PLCB4: variants seen among roughly 807,000 people sequenced by gnomAD.
The protein encoded by PLCB4 is 1-phosphatidylinositol 4,5-bisphosphate phosphodiesterase beta-4.
A neutral mutation model predicts 178.8 loss-of-function variants in PLCB4; 77 were observed. That is an observed-to-expected ratio of 0.43 (90% CI 0.36 to 0.52). PLCB4 has a LOEUF of 0.52. Among genes scored for constraint, PLCB4 ranks in the 20% least tolerant of loss-of-function variants. The pLI is 0.00. For synonymous variants in PLCB4, 496 were observed against 490.8 expected (o/e 1.01, Z -0.14); for missense variants, 1,024 against 1,453.4 (o/e 0.70, Z 4.80).
intron 7 of PLCB4, among the ~76,000 whole-genome samples, chr20:9,349,285 G>C (rs2034113011): frequency 6.6e-6 from 1 of 151,982 alleles, no homozygotes; most frequent in Non-Finnish European, 1.5e-5. Context: ...CCAATAAGCG[G>C]GTTCCTCCCC....
intron 1 of PLCB4, among the ~76,000 whole-genome samples, chr20:9,087,474 T>C (rs903462328): frequency 1.3e-5 from 2 of 152,226 alleles, no homozygotes; most frequent in African/African-American, 2.4e-5. Context: ...TTTACAGTAT[T>C]GGAACAACCT....
chr20:9,369,487 A>G (rs2036060472), intron 9 of PLCB4, among the ~76,000 whole-genome samples: 1 of 152,246 alleles, frequency 6.6e-6, no homozygotes, highest in East Asian at 1.9e-4. Flanking sequence ...AAATGTAAAC[A>G]TAGCACCCTC....
At chr20:9,302,696 G>C (rs1406296293) in intron 3 of PLCB4, among the ~76,000 whole-genome samples, 1 of 152,204 alleles carries the variant, frequency 6.6e-6, no homozygotes, top group East Asian at 1.9e-4. Flanking sequence ...TCTTCATATA[G>C]TGAGACTATT....
Position 9,186,259 on chromosome 20 carries a change from A to C in PLCB4, c.-78-31131A>C, listed in dbSNP as rs942892590. The stretch of plus-strand genomic sequence containing the variant: ...ATGGGTTTCAGACTTCACATTTTAC[A>C]TATCTACTCATGAGATAAGAGTCAA... On this transcript the variant is annotated intron_variant, in intron 2 of 39. Transcript: ENST00000378473. Among the ~76,000 whole-genome samples, 3 of 152,344 alleles carry C rather than the reference A, an allele frequency of 2.0e-5. No homozygotes were observed. The East Asian group carries it at 5.8e-4, about 29-fold the overall frequency.
At chr20:9,202,251 C>T (rs1050800641) in intron 2 of PLCB4, among the ~76,000 whole-genome samples, 2 of 152,076 alleles carry the variant, frequency 1.3e-5, no homozygotes, top group Non-Finnish European at 2.9e-5. Context: ...AAGGGGCAGC[C>T]TGAGGGAGTT....
chr20:9,206,142 GT>G (rs1238480430), intron 2 of PLCB4, among the ~76,000 whole-genome samples: 2 of 151,938 alleles, frequency 1.3e-5, no homozygotes, highest in Non-Finnish European at 2.9e-5. Flanking sequence ...GGAACTTTAG[GT>G]ATTCCTGTGT....
chr20:9,466,567 G>T (rs2043799290), intron 35 of PLCB4, among the ~76,000 whole-genome samples: 1 of 152,018 alleles, frequency 6.6e-6, no homozygotes, highest in Admixed American at 6.6e-5. Context: ...AATCTACAAA[G>T]AACTCAAACA....
At chr20:9,275,827 G>A (rs1265942913) in intron 3 of PLCB4, among the ~76,000 whole-genome samples, 1 of 152,072 alleles carries the variant, frequency 6.6e-6, no homozygotes, top group Non-Finnish European at 1.5e-5. Flanking sequence ...CTCAAAAGAT[G>A]TGCAATGATA....
chr20:9,458,302 T>C (rs1460074656), intron 34 of PLCB4, among the ~76,000 whole-genome samples: 1 of 152,198 alleles, frequency 6.6e-6, no homozygotes, highest in Non-Finnish European at 1.5e-5. Context: ...CAGTAAGGCA[T>C]GTGTCTTTAA....
At chr20:9,163,884 T>G (rs781266115) in intron 2 of PLCB4, among the ~76,000 whole-genome samples, 6 of 152,046 alleles carry the variant, frequency 3.9e-5, no homozygotes, top group African/African-American at 1.4e-4. Context: ...CATAATAAAT[T>G]GAAATAATAG....
At chr20:9,317,635 A>G (rs1368547759) in intron 4 of PLCB4, among the ~76,000 whole-genome samples, 5 of 152,220 alleles carry the variant, frequency 3.3e-5, no homozygotes, top group African/African-American at 9.6e-5. Context: ...CCATTAGGAA[A>G]CTAGACAGGG....
In PLCB4 at chr20:9,128,668, A is replaced by T. The variant is rs2327133; in HGVS notation, c.-79+32326A>T. Among the ~76,000 whole-genome samples, 4 of 152,158 alleles carry T rather than the reference A, an allele frequency of 2.6e-5. No individual in the cohort carries two copies. The South Asian group carries it at 6.2e-4, about 24-fold the overall frequency. On this transcript the variant is annotated intron_variant, in intron 2 of 39. Coordinates refer to ENST00000378473, the MANE Select transcript of PLCB4 (RefSeq NM_001377142.1). ...CTCCTAAAGTGCTGGGATTACAGGCATGAGCCACCGCACCCAGCCAGTCTT... is the reference window on the plus strand; with the variant it reads ...CTCCTAAAGTGCTGGGATTACAGGCTTGAGCCACCGCACCCAGCCAGTCTT...
intron 35 of PLCB4, among the ~76,000 whole-genome samples, chr20:9,460,112 T>C (rs1317692408): frequency 6.6e-6 from 1 of 152,082 alleles, no homozygotes; most frequent in East Asian, 1.9e-4. Flanking sequence ...AAAAAAGAAA[T>C]GGCCCCTGCC....
At chr20:9,320,989 A>G (rs74978984) in intron 4 of PLCB4, among the ~76,000 whole-genome samples, 4,836 of 152,302 alleles carry the variant, frequency 0.032, 280 homozygotes, top group East Asian at 0.25. Flanking sequence ...TAGACTTACT[A>G]GAAGGAAACA....
At chr20:9,141,811 T>C (rs1359724994) in intron 2 of PLCB4, among the ~76,000 whole-genome samples, 1 of 152,078 alleles carries the variant, frequency 6.6e-6, no homozygotes, top group Non-Finnish European at 1.5e-5. Context: ...ATAGAAAGGC[T>C]AGACATTGAG....
chr20:9,112,872 T>C (rs1314009781), intron 2 of PLCB4, among the ~76,000 whole-genome samples: 1 of 84,674 alleles, frequency 1.2e-5, no homozygotes, highest in African/African-American at 5.8e-5. Context: ...ATTATAACAA[T>C]TTCCTCTTGC....
rs1568761189 is a variant in PLCB4, at chr20:9,408,653, A to G, written c.1810A>G (p.Met604Val). The G allele has an allele frequency of 6.3e-7, 1 of 1,578,280 alleles. No individual in the cohort carries two copies. The highest frequency in any genetic ancestry group is 8.7e-7 in the Non-Finnish European group (1 of 1,147,674). The change falls in exon 23 of 40, where the codon ATG becomes GTG. Residue 604 changes from methionine (M) to valine (V), a missense_variant. Met to Val is a conservative substitution (Grantham distance 21). Around this residue, in one of 7 missense-constraint regions of PLCB4, gnomAD observed 263 missense variants for 417.4 expected, o/e 0.63. Transcript: ENST00000378473. ...TACAGAACGCAATATTCATTATAAC[A>G]TGTCTTCTTTTAATGAATCAGTCGG... ...VAEERNIHYN[M>V]SSFNESVGLG... is the part of the protein sequence containing the mutation.
intron 25 of PLCB4, 52 bp downstream of exon 25, chr20:9,411,140 C>T (rs1568768201): frequency 1.7e-6 from 2 of 1,205,272 alleles, no homozygotes; most frequent in Non-Finnish European, 2.5e-6. Flanking sequence ...CTCCATACTA[C>T]AGCTCTAATG....
At chr20:9,360,456 C>T (rs1187319422) in intron 7 of PLCB4, among the ~76,000 whole-genome samples, 1 of 151,744 alleles carries the variant, frequency 6.6e-6, no homozygotes, top group Non-Finnish European at 1.5e-5. Context: ...GCCCAGTGAA[C>T]AGTCTCAGAA....
Sources: gnomAD v4.1 joint callset for allele counts (sites outside exome capture counted in the v4.1 genomes callset) on GRCh38, gnomAD v4.1.1 for gene constraint, gnomAD v4.1.1 regional missense constraint, MANE v1.5 for transcripts, NCBI Gene and HGNC (gene_info 2026-07-23, HGNC 2026-07-21) for gene names.